BEGAIN: variants seen among roughly 807,000 people sequenced by gnomAD.
The protein encoded by BEGAIN is brain-enriched guanylate kinase-associated protein.
Under a neutral mutation model 35.8 loss-of-function variants are expected in BEGAIN, and 19 were observed. The ratio of observed to expected loss-of-function variants is 0.53; its 90% CI spans 0.37 to 0.78. The LOEUF (loss-of-function observed/expected upper bound fraction) is 0.78, where lower values mean the gene tolerates loss of function less well. BEGAIN is among the 30% of genes least tolerant of loss of function. The pLI, the probability that BEGAIN is intolerant of heterozygous loss-of-function variation, is 0.00. For missense variants in BEGAIN, 795 were observed against 853.6 expected (o/e 0.93, Z 0.85); for synonymous variants, 462 against 388.6 (o/e 1.19, Z -2.22).
At chr14:100,585,844 T>C (rs1284587106) in intron 1 of BEGAIN, among the ~76,000 whole-genome samples, 2 of 152,160 alleles carry the variant, frequency 1.3e-5, no homozygotes, top group Admixed American at 6.5e-5. Context: ...AATCTATAAA[T>C]ATGAGACAAA....
intron 4 of BEGAIN, 36 bp from the exon 5 acceptor site, chr14:100,544,001 T>C: frequency 3.2e-6 from 5 of 1,540,546 alleles, no homozygotes; most frequent in Non-Finnish European, 3.5e-6. Context: ...AGGCCCGTGG[T>C]TGGCTCCTGG....
At position 100,546,776 on chromosome 14, in the gene BEGAIN, G is replaced by GCACACACACA. The variant is rs1389719323; in HGVS notation, c.72-115_72-114insTGTGTGTGTG. On this transcript the variant is annotated intron_variant, in intron 2 of 6. Coordinates refer to ENST00000554140, the MANE Select transcript of BEGAIN (RefSeq NM_001385089.1). ...CACGCGAGTACCGGCGCGCGCGCGC[G>GCACACACACA]CGCGCACACACACACACACACACAC... 28 of 678,240 alleles carry GCACACACACA rather than the reference G, an allele frequency of 4.1e-5. No individual in the cohort carries two copies. The African/African-American group carries it at 4.9e-4, about 12-fold the overall frequency. The allele number at this position is 678,240 out of a possible 1,614,324, so 42.0% of individuals were successfully genotyped here. A position where few individuals can be genotyped will look rare whatever the true frequency, so the allele number is the denominator to read the frequency against.
At position 100,563,791 on chromosome 14, in the gene BEGAIN, G is replaced by A. The variant is rs570550769; in HGVS notation, c.71+4120C>T. ...AGGTGGCCCAGGCTGCACAGTGCCC[G>A]GCAGTCTGCCAGGGAACAAACGGAT... On this transcript the variant is annotated intron_variant, in intron 2 of 6. Transcript: ENST00000554140. The surrounding 1 kb of genome is among the most constrained non-coding windows in gnomAD (Gnocchi z 4.2). Among the ~76,000 whole-genome samples the A allele has an allele frequency of 7.6e-4, 115 of 152,294 alleles. No individual in the cohort carries two copies. The highest frequency in any genetic ancestry group is 2.7e-3 in the African/African-American group (111 of 41,552).
chr14:100,538,112 G>T lies in BEGAIN; in HGVS notation c.1696C>A (p.Pro566Thr). 2 of 1,565,422 alleles carry T rather than the reference G, an allele frequency of 1.3e-6. No homozygotes were observed. Among genetic ancestry groups the T allele is most frequent in the Non-Finnish European group, 1.7e-6 (2 of 1,157,626 alleles). ...PEQGSRDSLE[P>T]SSMEASPEMH... is the part of the protein sequence containing the mutation. ...TCCGGGGAGGCCTCCATGGAGCTCG[G>T]CTCCAAGGAGTCCCTGGAACCCTGC... Residue 566 changes from proline (P) to threonine (T), a missense_variant, in exon 7 of 7, where the codon CCG (proline) becomes ACG (threonine). Around this residue, in one of 3 missense-constraint regions of BEGAIN, gnomAD observed 664 missense variants for 647.7 expected, o/e 1.03. Coordinates refer to ENST00000554140, the MANE Select transcript of BEGAIN (RefSeq NM_001385089.1).
In BEGAIN at chr14:100,568,417, G is replaced by A. The variant is rs1477270448; in HGVS notation, c.43-478C>T. 1.6e-6 allele frequency: 2 copies of A among 1,277,232 alleles called. No homozygotes were observed. The highest frequency in any genetic ancestry group is 5.7e-5 in the East Asian group (1 of 17,424). The allele number at this position is 1,277,232 out of a possible 1,614,324, so 79.1% of individuals were successfully genotyped here. A position where few individuals can be genotyped will look rare whatever the true frequency, so the allele number is the denominator to read the frequency against. ...GGAGAATGTTGGGGAATTCGGGGCCGTGCAGGATTGCAGAACCTGACACTC... is the reference window on the plus strand; with the variant it reads ...GGAGAATGTTGGGGAATTCGGGGCCATGCAGGATTGCAGAACCTGACACTC... On this transcript the variant is annotated intron_variant, in intron 1 of 6. Coordinates refer to ENST00000554140, the MANE Select transcript of BEGAIN (RefSeq NM_001385089.1). The surrounding 1 kb of genome is among the most constrained non-coding windows in gnomAD (Gnocchi z 7.5).
At chr14:100,572,185 G>A (rs1172450440) in intron 1 of BEGAIN, among the ~76,000 whole-genome samples, 4 of 152,156 alleles carry the variant, frequency 2.6e-5, no homozygotes, top group Admixed American at 6.5e-5. Context: ...ACCGGGCATC[G>A]TATCTTCGCA....
chr14:100,537,828 A>AGAGGAGGTGCGGG lies in BEGAIN; in HGVS notation c.*128_*140dup, dbSNP rs2030780035. On this transcript the variant is annotated 3_prime_UTR_variant, in exon 7 of 7. Coordinates refer to ENST00000554140, the MANE Select transcript of BEGAIN (RefSeq NM_001385089.1). The stretch of plus-strand genomic sequence containing the variant: ...CCTCAGGCCTACAGGGCTGGGGAGG[A>AGAGGAGGTGCGGG]GAGGAGGTGCGGGGAGGAACAGACT... The AGAGGAGGTGCGGG allele has an allele frequency of 7.8e-7, 1 of 1,278,534 alleles. No homozygotes were observed. Among genetic ancestry groups the AGAGGAGGTGCGGG allele is most frequent in the South Asian group, 1.6e-5 (1 of 63,718 alleles). 79.2% of individuals were successfully genotyped at this position (1,278,534 alleles called of 1,614,324 possible).
chr14:100,560,647 C>T (rs1341103196), intron 2 of BEGAIN, among the ~76,000 whole-genome samples: 1 of 152,230 alleles, frequency 6.6e-6, no homozygotes, highest in African/African-American at 2.4e-5. Context: ...GCCAGACCCC[C>T]AGGACACAGA....
At chr14:100,575,808 C>A (rs564631261) in intron 1 of BEGAIN, among the ~76,000 whole-genome samples, 1 of 152,164 alleles carries the variant, frequency 6.6e-6, no homozygotes, top group East Asian at 1.9e-4. Context: ...GCAGCCTCGC[C>A]CCCTGAACAC....
intron 1 of BEGAIN, among the ~76,000 whole-genome samples, chr14:100,574,365 CTGGGTCT>C (rs1332275465): frequency 6.6e-6 from 1 of 152,200 alleles, no homozygotes; most frequent in Non-Finnish European, 1.5e-5. Flanking sequence ...GACCTGAGCC[CTGGGTCT>C]TGTCTAGGCT....
rs1181378150 is a variant in BEGAIN, at chr14:100,586,972, A to T, written c.42+277T>A. On this transcript the variant is annotated intron_variant, in intron 1 of 6. Coordinates refer to ENST00000554140, the MANE Select transcript of BEGAIN (RefSeq NM_001385089.1). This position sits in a 1 kb window ranked among gnomAD's most constrained non-coding sequence, Gnocchi z 4.9. ...CTTCCGCCGCAGGGGCGCGCGTGTC[A>T]GGGCGCAAGGACCCCGCGATAGGAC... is the stretch of plus-strand genomic sequence containing the variant. 1.3e-5 allele frequency among the ~76,000 whole-genome samples: 2 copies of T among 151,532 alleles called. No homozygotes were observed. Among genetic ancestry groups the T allele is most frequent in the Non-Finnish European group, 3.0e-5 (2 of 67,794 alleles).
chr14:100,540,668 G>A, intron 5 of BEGAIN, 89 bp from the exon 6 acceptor site: 2 of 939,206 alleles, frequency 2.1e-6, no homozygotes, highest in South Asian at 1.5e-5. Flanking sequence ...CGGGGGCAGT[G>A]GTGTGCACAG....
At chr14:100,564,755 ACACCAGGGGC>A (rs1300019970) in intron 2 of BEGAIN, among the ~76,000 whole-genome samples, 1 of 152,086 alleles carries the variant, frequency 6.6e-6, no homozygotes, top group Admixed American at 6.5e-5. Context: ...GGCTGTCAGA[ACACCAGGGGC>A]CAGACCCCGG....
intron 1 of BEGAIN, among the ~76,000 whole-genome samples, chr14:100,575,846 C>T (rs984795041): frequency 6.6e-6 from 1 of 152,056 alleles, no homozygotes; most frequent in Admixed American, 6.5e-5. Context: ...GGCCCTGAGG[C>T]CCCAAGAGAT....
At chr14:100,542,764 T>G (rs989511815) in intron 5 of BEGAIN, among the ~76,000 whole-genome samples, 2 of 152,216 alleles carry the variant, frequency 1.3e-5, no homozygotes, top group Non-Finnish European at 2.9e-5. Flanking sequence ...TGGACTATGG[T>G]CCTGGCCTCC....
intron 1 of BEGAIN, among the ~76,000 whole-genome samples, chr14:100,583,692 C>CTTTTTTTTTTTTTTTTTTTTTTTT (rs56090356): frequency 4.6e-5 from 5 of 108,980 alleles, no homozygotes; most frequent in Non-Finnish European, 7.1e-5. Context: ...GTTTTTCTTC[C>CTTTTTTTTTTTTTTTTTTTTTTTT]TTTTTTTTTT....
At chr14:100,575,135 C>T (rs1369888327) in intron 1 of BEGAIN, among the ~76,000 whole-genome samples, 1 of 152,166 alleles carries the variant, frequency 6.6e-6, no homozygotes, top group Non-Finnish European at 1.5e-5. Flanking sequence ...GGGGCAGCAG[C>T]TTCCTCCCAG....
chr14:100,577,602 G>C, intron 1 of BEGAIN: 1 of 399,096 alleles, frequency 2.5e-6, no homozygotes, highest in Non-Finnish European at 4.4e-6. Flanking sequence ...CCCGCACAGT[G>C]ACCTCATCCA....
intron 1 of BEGAIN, among the ~76,000 whole-genome samples, chr14:100,575,084 G>C (rs1048909009): frequency 3.9e-5 from 6 of 152,180 alleles, no homozygotes; most frequent in Admixed American, 2.6e-4. Flanking sequence ...ACTCAGCCAG[G>C]CAGGACAGCA....
Sources: gnomAD v4.1 joint callset for allele counts (sites outside exome capture counted in the v4.1 genomes callset) on GRCh38, gnomAD v4.1.1 for gene constraint, gnomAD v4.1.1 regional missense constraint, Gnocchi (gnomAD v3.1) non-coding constraint, MANE v1.5 for transcripts, NCBI Gene and HGNC (gene_info 2026-07-23, HGNC 2026-07-21) for gene names.